The following NPHP4 variants were observed in gnomAD, a reference collection of about 807,000 sequenced individuals.
NPHP4 encodes nephrocystin 4.
In NPHP4, 151 loss-of-function variants were observed where a neutral mutation model predicts 155.8. That is an observed-to-expected ratio of 0.97 (90% CI 0.85 to 1.11). The LOEUF is 1.11. NPHP4 is among the 50% of genes least tolerant of loss of function. The pLI is 0.00. For synonymous variants in NPHP4, 845 were observed against 816.8 expected, an observed-to-expected ratio of 1.03 and a Z score of -0.59; for missense variants, 1,956 against 1,925.7, an observed-to-expected ratio of 1.02 and a Z score of -0.29.
chr1:5,898,188 C>T (rs1360213072), intron 16 of NPHP4, among the ~76,000 whole-genome samples: 3 of 152,134 alleles, frequency 2.0e-5, no homozygotes, highest in Non-Finnish European at 4.4e-5. Flanking sequence ...CTGAGGAGGG[C>T]CCCCACAAGA....
chr1:5,947,983 G>T, intron 8 of NPHP4, 87 bp downstream of exon 8: 1 of 1,054,280 alleles, frequency 9.5e-7, no homozygotes, highest in Non-Finnish European at 1.5e-6. Context: ...ACGTGGGTGA[G>T]TCAACACCTG....
In NPHP4 at chr1:5,875,891, G is replaced by A. The variant is rs973470863; in HGVS notation, c.2818-791C>T. On this transcript the variant is annotated intron_variant, in intron 20 of 29. Transcript: ENST00000378156. ...AGATGGGCTGACTTCAGTGCTTTCA[G>A]GATTTAACTCAAAAGGTGAGGACAA... 16 of 152,408 alleles carry A rather than the reference G, an allele frequency of 1.0e-4. No individual in the cohort carries two copies. The South Asian group carries it at 3.1e-3, about 30-fold the overall frequency. 9.4% of individuals were successfully genotyped at this position (152,408 alleles called of 1,614,324 possible). A position where few individuals can be genotyped will look rare whatever the true frequency, so the allele number is the denominator to read the frequency against.
At chr1:5,865,326 C>A in intron 26 of NPHP4, 53 bp from the exon 27 acceptor site, 1 of 1,430,786 alleles carries the variant, frequency 7.0e-7, no homozygotes. Context: ...CAGCACCGGC[C>A]CACGAGAGGC....
chr1:5,932,478 C>CG (rs1646326746), intron 10 of NPHP4, among the ~76,000 whole-genome samples: 1 of 152,118 alleles, frequency 6.6e-6, no homozygotes, highest in African/African-American at 2.4e-5. Flanking sequence ...CGGACTCTAG[C>CG]CATCTGCCAG....
At chr1:5,888,622 A>G (rs760153226) in intron 17 of NPHP4, 2 of 1,345,232 alleles carry the variant, frequency 1.5e-6, no homozygotes, top group African/African-American at 1.5e-5. Context: ...TTTAGGGAAC[A>G]GCCAACAAAT....
chr1:5,888,518 CCA>C, intron 17 of NPHP4: 2 of 1,313,434 alleles, frequency 1.5e-6, no homozygotes, highest in Non-Finnish European at 2.0e-6. Flanking sequence ...GGTCGCTTTG[CCA>C]CACTCGTCTA....
rs779934800 is a variant in NPHP4 at position 5,880,401 on chromosome 1, A to T, written c.2486-162T>A. ...GTTTTGAATGTTTTGCAATTGAGAG[A>T]CAGGTGGGAGCTCGTTCTGCTGCGA... is the stretch of plus-strand genomic sequence containing the variant. On this transcript the variant is annotated intron_variant, in intron 18 of 29. Coordinates refer to ENST00000378156, the MANE Select transcript of NPHP4 (RefSeq NM_015102.5). 7.8e-5 allele frequency: 53 copies of T among 678,636 alleles called. 1 individual carries two copies. The highest frequency in any genetic ancestry group is 1.3e-4 in the Non-Finnish European group (53 of 403,834). 42.0% of individuals were successfully genotyped at this position (678,636 alleles called of 1,614,324 possible).
At chr1:5,962,324 C>T (rs906653773) in intron 5 of NPHP4, among the ~76,000 whole-genome samples, 2 of 152,098 alleles carry the variant, frequency 1.3e-5, no homozygotes, top group African/African-American at 4.8e-5. Context: ...GGATTACAGG[C>T]ATGAGACACC....
At position 5,910,911 on chromosome 1, in the gene NPHP4, T is replaced by G. The variant is rs569378068; in HGVS notation, c.1442-1698A>C. Among the ~76,000 whole-genome samples the G allele has an allele frequency of 4.1e-4, 62 of 152,226 alleles. No homozygotes were observed. Among genetic ancestry groups the G allele is most frequent in the Non-Finnish European group, 6.6e-4 (45 of 67,996 alleles). ...CAAGGCCAGAGGGAGCCCCCAACCC[T>G]CAGAGGATCCAACTGCCCAGCCTGG... On this transcript the variant is annotated intron_variant, in intron 11 of 29. Transcript: ENST00000378156. This position sits in a 1 kb window ranked among gnomAD's most constrained non-coding sequence, Gnocchi z 5.4.
At chr1:5,866,156 C>G in intron 26 of NPHP4, 1 of 578,164 alleles carries the variant, frequency 1.7e-6, no homozygotes, top group Non-Finnish European at 3.1e-6. Flanking sequence ...AGCTGCATCC[C>G]AAGTCCCTCA....
At chr1:5,927,002 C>A (rs564716708) in intron 11 of NPHP4, among the ~76,000 whole-genome samples, 1 of 152,216 alleles carries the variant, frequency 6.6e-6, no homozygotes, top group Admixed American at 6.5e-5. Context: ...GTACCTTCCG[C>A]CCCTCACTTC....
chr1:5,889,542 C>G lies in NPHP4; in HGVS notation c.2304+1326G>C, dbSNP rs1361988927. 6.6e-6 allele frequency among the ~76,000 whole-genome samples: 1 copy of G among 152,196 alleles called. No individual in the cohort carries two copies. Among genetic ancestry groups the G allele is most frequent in the East Asian group, 1.9e-4 (1 of 5,196 alleles). ...AGCAAAGAGGGGGCACAAGGCTCGG[C>G]TGGGCACGACAGGGGAGCCACTGCC... is the stretch of plus-strand genomic sequence containing the variant. On this transcript the variant is annotated intron_variant, in intron 17 of 29. Coordinates refer to ENST00000378156, the MANE Select transcript of NPHP4 (RefSeq NM_015102.5). The surrounding 1 kb of genome is among the most constrained non-coding windows in gnomAD (Gnocchi z 4.2).
At chr1:5,991,847 C>T (rs978884978) in intron 1 of NPHP4, among the ~76,000 whole-genome samples, 1 of 149,632 alleles carries the variant, frequency 6.7e-6, no homozygotes, top group Admixed American at 6.6e-5. Flanking sequence ...AGGATGCGCG[C>T]GGACTAGGGC....
intron 11 of NPHP4, among the ~76,000 whole-genome samples, chr1:5,919,847 C>A: frequency 6.6e-6 from 1 of 151,998 alleles, no homozygotes; most frequent in South Asian, 2.1e-4. Context: ...TCAAGCAATT[C>A]TCCTGCCTCA....
intron 3 of NPHP4, among the ~76,000 whole-genome samples, chr1:5,973,841 C>T (rs1022692893): frequency 1.3e-5 from 2 of 152,264 alleles, no homozygotes; most frequent in African/African-American, 4.8e-5. Context: ...TGCAAACAGA[C>T]AGGCACACAG....
At chr1:5,884,395 G>C (rs1643586265) in intron 18 of NPHP4, among the ~76,000 whole-genome samples, 1 of 152,126 alleles carries the variant, frequency 6.6e-6, no homozygotes, top group Non-Finnish European at 1.5e-5. Flanking sequence ...CCCCAGGAAA[G>C]GTCACAGAAC....
intron 23 of NPHP4, among the ~76,000 whole-genome samples, chr1:5,871,464 A>C (rs1641999650): frequency 6.6e-6 from 1 of 152,224 alleles, no homozygotes; most frequent in African/African-American, 2.4e-5. Context: ...AATGATTCTA[A>C]CATTCATCCT....
intron 18 of NPHP4, chr1:5,880,557 C>T (rs763097290): frequency 3.2e-5 from 11 of 340,310 alleles, no homozygotes; most frequent in Middle Eastern, 9.2e-4. Flanking sequence ...GGTCGCAAGG[C>T]GGGCTGCCTC....
In NPHP4 at chr1:5,927,659, C is replaced by T. The variant is rs200183657; in HGVS notation, c.1431G>A (p.Thr477=). The part of the protein sequence containing the change: ...VERRPSRKPP[T]SPSSPPAPVP... ...TCTGGAAACACTTACTCGAAGGGGA[C>T]GTGGGTGGTTTCCTGGAAGGCCGCC... Residue 477 remains threonine, a synonymous_variant, in exon 11 of 30, where the codon ACG becomes ACA. Coordinates refer to ENST00000378156, the MANE Select transcript of NPHP4 (RefSeq NM_015102.5). 125 of 1,610,576 alleles carry T rather than the reference C, an allele frequency of 7.8e-5. No homozygotes were observed. In the African/African-American group the frequency reaches 1.0e-3, roughly 13 times the overall value.
Sources: allele counts gnomAD v4.1 joint callset (sites outside exome capture counted in the v4.1 genomes callset), GRCh38; gene constraint gnomAD v4.1.1; non-coding constraint Gnocchi (gnomAD v3.1); transcripts MANE v1.5; gene names NCBI Gene and HGNC (gene_info 2026-07-23, HGNC 2026-07-21).